Variants in OR1A1 observed in about 807,000 individuals in gnomAD.
OR1A1 encodes the protein olfactory receptor family 1 subfamily A member 1, also known as olfactory receptor 1A1.
For missense variants in OR1A1, 391 were observed against 379.9 expected, an observed-to-expected ratio of 1.03 and a Z score of -0.24; for synonymous variants, 145 against 147.8, an observed-to-expected ratio of 0.98 and a Z score of 0.13.
At chr17:3,215,318 A>G (rs1173560940) in intron 3 of OR1A1, 2 of 340,714 alleles carry the variant, frequency 5.9e-6, no homozygotes, top group East Asian at 5.2e-5. Context: ...GGACATGACA[A>G]TTATTTGTTA....
rs183712942 is a variant in OR1A1 at position 3,208,959 on chromosome 17, A to T, written c.-178A>T. 21 of 152,148 alleles carry T rather than the reference A, an allele frequency of 1.4e-4. No individual in the cohort carries two copies. In the East Asian group the frequency reaches 3.1e-3, roughly 22 times the overall value. The allele number at this position is 152,148 out of a possible 1,614,324, so 9.4% of individuals were successfully genotyped here. On this transcript the variant is annotated 5_prime_UTR_variant, in exon 2 of 4. Coordinates refer to ENST00000641732, the MANE Select transcript of OR1A1 (RefSeq NM_014565.3). ...TCATCACAGAACATGTGAAATAACA[A>T]CAGAAGCTCATCATCTAGATTATAC...
chr17:3,216,671 C>T lies in OR1A1; in HGVS notation c.*121C>T. 1 of 708,600 alleles carries T rather than the reference C, an allele frequency of 1.4e-6. No homozygotes were observed. The highest frequency in any genetic ancestry group is 2.3e-6 in the Non-Finnish European group (1 of 435,648). 43.9% of individuals were successfully genotyped at this position (708,600 alleles called of 1,614,324 possible). On this transcript the variant is annotated 3_prime_UTR_variant, in exon 4 of 4. Coordinates refer to ENST00000641732, the MANE Select transcript of OR1A1 (RefSeq NM_014565.3). ...ATCTTTCTAGCCTGAAATTCCTAAT[C>T]TCAGAACTCTTATAACATTTTAATA...
In OR1A1 at chr17:3,215,689, G is replaced by A. The variant is rs1597293429; in HGVS notation, c.69G>A (p.Gln23=). 1 of 1,614,112 alleles carries A rather than the reference G, an allele frequency of 6.2e-7. No homozygotes were observed. Among genetic ancestry groups the A allele is most frequent in the African/African-American group, 1.3e-5 (1 of 75,050 alleles). The change falls in exon 4 of 4, where the codon CAG becomes CAA. Residue 23 remains glutamine, a synonymous_variant. Coordinates refer to ENST00000641732, the MANE Select transcript of OR1A1 (RefSeq NM_014565.3). The part of the protein sequence containing the change: ...ILLGVTGQQE[Q]EDFFYILFLF... ...TGGGAGTTACTGGTCAGCAGGAACA[G>A]GAAGATTTCTTCTACATCCTCTTCT...
chr17:3,213,415 A>C (rs998144891), intron 3 of OR1A1: 1 of 152,224 alleles, frequency 6.6e-6, no homozygotes, highest in Non-Finnish European at 1.5e-5. Context: ...CATACCTAGC[A>C]CATGATTCAA....
intron 2 of OR1A1, among the ~76,000 whole-genome samples, 184 bp from the exon 3 acceptor site, chr17:3,212,283 T>C (rs1021050378): frequency 6.6e-6 from 1 of 152,208 alleles, no homozygotes; most frequent in African/African-American, 2.4e-5. Flanking sequence ...CTAGCTAATG[T>C]CTGAATGGAG....
rs184571128 is a variant in OR1A1 at position 3,216,900 on chromosome 17, T to A, written c.*350T>A. ...ATGGTGTGTTGATTACAATAGCTCA[T>A]GCTTCCAAGATTATAAATCACTATT... On this transcript the variant is annotated 3_prime_UTR_variant, in exon 4 of 4. Coordinates refer to ENST00000641732, the MANE Select transcript of OR1A1 (RefSeq NM_014565.3). 115 of 193,524 alleles carry A rather than the reference T, an allele frequency of 5.9e-4. No homozygotes were observed. Among genetic ancestry groups the A allele is most frequent in the African/African-American group, 2.5e-3 (108 of 42,964 alleles). The allele number at this position is 193,524 out of a possible 1,614,324, so 12.0% of individuals were successfully genotyped here.
rs2048481335 is a variant in OR1A1, at chr17:3,218,397, G to C, written c.*1847G>C. 1 of 152,202 alleles carries C rather than the reference G, an allele frequency of 6.6e-6. No individual in the cohort carries two copies. The highest frequency in any genetic ancestry group is 2.1e-4 in the South Asian group (1 of 4,828). 9.4% of individuals were successfully genotyped at this position (152,202 alleles called of 1,614,324 possible). A position where few individuals can be genotyped will look rare whatever the true frequency, so the allele number is the denominator to read the frequency against. ...GGATCTAGAACCACAAATACCATTT[G>C]ATCCAGTGATCCCATTACTGGGTAT... is the stretch of plus-strand genomic sequence containing the variant. On this transcript the variant is annotated 3_prime_UTR_variant, in exon 4 of 4. Transcript: ENST00000641732.
At position 3,217,091 on chromosome 17, in the gene OR1A1, T is replaced by G. The variant is rs376001695; in HGVS notation, c.*541T>G. ...AAGTGGAATGAATAAGATATTAATATCTGAAACGTAATATTATAATTAGGG... is the reference window on the plus strand; with the variant it reads ...AAGTGGAATGAATAAGATATTAATAGCTGAAACGTAATATTATAATTAGGG... On this transcript the variant is annotated 3_prime_UTR_variant, in exon 4 of 4. Transcript: ENST00000641732. 3.9e-5 allele frequency: 6 copies of G among 152,284 alleles called. No individual in the cohort carries two copies. The highest frequency in any genetic ancestry group is 1.4e-4 in the African/African-American group (6 of 41,426). The allele number at this position is 152,284 out of a possible 1,614,324, so 9.4% of individuals were successfully genotyped here.
Position 3,210,247 on chromosome 17 carries a change from TC to T in OR1A1, c.-139+1251del, listed in dbSNP as rs536706370. Among the ~76,000 whole-genome samples the T allele has an allele frequency of 1.7e-3, 263 of 152,076 alleles. 1 individual carries two copies. Among genetic ancestry groups the T allele is most frequent in the Non-Finnish European group, 2.9e-3 (195 of 67,992 alleles). On this transcript the variant is annotated intron_variant, in intron 2 of 3. Coordinates refer to ENST00000641732, the MANE Select transcript of OR1A1 (RefSeq NM_014565.3). ...CTCAAGCAATTCTCCCACATCAGCC[TC>T]CTGAGTGGCTGAAATTATCTTACAT...
At position 3,216,411 on chromosome 17, in the gene OR1A1, A is replaced by G. The variant is rs145842740; in HGVS notation, c.791A>G (p.Asn264Ser). The G allele has an allele frequency of 3.3e-5, 54 of 1,614,028 alleles. No homozygotes were observed. Among genetic ancestry groups the G allele is most frequent in the Non-Finnish European group, 4.4e-5 (52 of 1,180,032 alleles). Residue 264 changes from asparagine to serine, a missense_variant, in exon 4 of 4, where the codon AAT (asparagine) becomes AGT (serine). Asn to Ser is a conservative substitution (Grantham distance 46). Coordinates refer to ENST00000641732, the MANE Select transcript of OR1A1 (RefSeq NM_014565.3). ...VMGTYFRPLTNYSLKDAVITV... is the reference protein window; with the variant it reads ...VMGTYFRPLTSYSLKDAVITV... ...GGCACGTATTTCCGCCCTTTGACCA[A>G]TTATAGCCTAAAAGACGCAGTGATC...
chr17:3,211,102 C>CT (rs2048439050), intron 2 of OR1A1, among the ~76,000 whole-genome samples: 1 of 152,138 alleles, frequency 6.6e-6, no homozygotes, highest in Admixed American at 6.5e-5. Flanking sequence ...AGTTCATCGT[C>CT]TCCTTGCCTG....
In OR1A1 at chr17:3,215,609, G is replaced by C. The variant is rs777953742; in HGVS notation, c.-5-7G>C. On this transcript the variant is annotated splice_polypyrimidine_tract_variant and splice_region_variant and intron_variant, in intron 3 of 3. Transcript: ENST00000641732. Reference sequence around the variant, plus strand: ...TAATGATATTCCTCTCCCCTTTCATGTTAAAGAAGCCATGAGGGAAAATAA... The same window carrying C: ...TAATGATATTCCTCTCCCCTTTCATCTTAAAGAAGCCATGAGGGAAAATAA... The C allele has an allele frequency of 6.3e-7, 1 of 1,597,436 alleles. No individual in the cohort carries two copies. Among genetic ancestry groups the C allele is most frequent in the Non-Finnish European group, 8.6e-7 (1 of 1,166,698 alleles).
At chr17:3,214,833 C>T (rs1217288513) in intron 3 of OR1A1, 3 of 151,754 alleles carry the variant, frequency 2.0e-5, no homozygotes, top group Admixed American at 6.6e-5. Flanking sequence ...ATTGTATATA[C>T]TTGAGGGCTT....
intron 2 of OR1A1, among the ~76,000 whole-genome samples, chr17:3,210,600 T>A (rs568829992): frequency 3.9e-5 from 6 of 152,264 alleles, no homozygotes; most frequent in African/African-American, 1.4e-4. Context: ...GTCCTTTTTT[T>A]GTTGTTGTTG....
chr17:3,209,671 G>A (rs1200207869), intron 2 of OR1A1, among the ~76,000 whole-genome samples: 1 of 152,102 alleles, frequency 6.6e-6, no homozygotes, highest in East Asian at 1.9e-4. Flanking sequence ...TTGAGCGGCA[G>A]ATTCAGGGTG....
At chr17:3,212,423 TCTTTA>T (rs2048447054) in intron 2 of OR1A1, 39 bp from the exon 3 acceptor site, 1 of 152,104 alleles carries the variant, frequency 6.6e-6, no homozygotes, top group African/African-American at 2.4e-5. Flanking sequence ...GTTTTTTTTT[TCTTTA>T]CTTTGATATT....
At chr17:3,215,500 A>G in intron 3 of OR1A1, 116 bp from the exon 4 acceptor site, 1 of 717,296 alleles carries the variant, frequency 1.4e-6, no homozygotes, top group Non-Finnish European at 2.3e-6. Context: ...ATAATTTAAT[A>G]AACTCAGGTG....
chr17:3,214,713 T>C (rs550695736), intron 3 of OR1A1: 1 of 152,268 alleles, frequency 6.6e-6, no homozygotes, highest in South Asian at 2.1e-4. Flanking sequence ...CACCTACAGA[T>C]GTAAACCTCA....
chr17:3,213,984 T>G (rs1014598160), intron 3 of OR1A1: 1 of 152,168 alleles, frequency 6.6e-6, no homozygotes, highest in Non-Finnish European at 1.5e-5. Context: ...ATTACAATAC[T>G]TCAGGGAGAA....
Sources: allele counts gnomAD v4.1 joint callset (sites outside exome capture counted in the v4.1 genomes callset), GRCh38; gene constraint gnomAD v4.1.1; transcripts MANE v1.5; gene names NCBI Gene and HGNC (gene_info 2026-07-23, HGNC 2026-07-21).